Variants in FSTL4 observed in about 807,000 individuals in gnomAD.
FSTL4 encodes the protein follistatin-related protein 4.
Under a neutral mutation model 78.2 loss-of-function variants are expected in FSTL4, and 28 were observed. That is an observed-to-expected ratio of 0.36 (90% CI 0.27 to 0.49). The LOEUF (loss-of-function observed/expected upper bound fraction) is 0.49. FSTL4 is among the 20% of genes least tolerant of loss of function. The probability of loss-of-function intolerance (pLI) is 0.98; values close to 1 mark genes in which losing one functional copy is unlikely to be tolerated. For missense variants in FSTL4, 922 were observed against 1,084.9 expected, an observed-to-expected ratio of 0.85 and a Z score of 2.11; for synonymous variants, 422 against 440.5, an observed-to-expected ratio of 0.96 and a Z score of 0.53.
intron 3 of FSTL4, among the ~76,000 whole-genome samples, chr5:133,495,127 C>G (rs1324614088): frequency 6.6e-6 from 1 of 152,206 alleles, no homozygotes; most frequent in East Asian, 1.9e-4. Flanking sequence ...GAAGGATCCA[C>G]ACACATGCTA....
At chr5:133,693,850 G>A in the FSTL4 span, among the ~76,000 whole-genome samples, 1 of 152,146 alleles carries the variant, frequency 6.6e-6, no homozygotes, top group East Asian at 1.9e-4. Context: ...CCAAGGTAGT[G>A]GGGGGTTGCT....
At chr5:133,766,710 T>C in the FSTL4 span, among the ~76,000 whole-genome samples, 1 of 152,132 alleles carries the variant, frequency 6.6e-6, no homozygotes, top group Non-Finnish European at 1.5e-5. Flanking sequence ...CAGCATTTGT[T>C]GAAGATCCAA....
chr5:133,659,850 C>T, the FSTL4 span, among the ~76,000 whole-genome samples: 8 of 151,782 alleles, frequency 5.3e-5, no homozygotes, highest in African/African-American at 1.9e-4. Context: ...AATATTTTTC[C>T]TCTAGAAAAA....
At chr5:133,420,743 C>A (rs947199667) in intron 3 of FSTL4, among the ~76,000 whole-genome samples, 1 of 152,244 alleles carries the variant, frequency 6.6e-6, no homozygotes, top group Non-Finnish European at 1.5e-5. Context: ...GCCCTCTGTT[C>A]ATGGCTGCAG....
intron 7 of FSTL4, among the ~76,000 whole-genome samples, chr5:133,245,119 C>T (rs1397508628): frequency 2.5e-4 from 30 of 121,724 alleles, no homozygotes; most frequent in African/African-American, 1.3e-3. Context: ...GACCCTACTG[C>T]CTAAAAAAAA....
intron 3 of FSTL4, among the ~76,000 whole-genome samples, chr5:133,517,447 A>AAAAAATATAT (rs1554068019): frequency 6.1e-5 from 1 of 16,416 alleles, no homozygotes; most frequent in African/African-American, 2.8e-4. Flanking sequence ...AAAAAAAAAA[A>AAAAAATATAT]ATATATATAT....
At chr5:133,564,261 C>A (rs1759980140) in intron 3 of FSTL4, among the ~76,000 whole-genome samples, 2 of 152,272 alleles carry the variant, frequency 1.3e-5, no homozygotes, top group South Asian at 4.1e-4. Flanking sequence ...GTTCCATTCA[C>A]AGGTTCTGGT....
the FSTL4 span, among the ~76,000 whole-genome samples, chr5:133,719,096 A>G: frequency 6.6e-6 from 1 of 152,184 alleles, no homozygotes; most frequent in African/African-American, 2.4e-5. Context: ...CTGTTTTTGA[A>G]TATCTCTTAT....
At chr5:133,493,663 G>T (rs1758314719) in intron 3 of FSTL4, among the ~76,000 whole-genome samples, 1 of 152,166 alleles carries the variant, frequency 6.6e-6, no homozygotes, top group Non-Finnish European at 1.5e-5. Flanking sequence ...GTCTGACGCT[G>T]CCCCCTCAAA....
At chr5:133,261,700 A>T (rs1752526435) in intron 6 of FSTL4, among the ~76,000 whole-genome samples, 2 of 152,142 alleles carry the variant, frequency 1.3e-5, no homozygotes, top group South Asian at 4.1e-4. Context: ...TACTAAAAAT[A>T]CAAAAATTAG....
chr5:133,533,772 G>A (rs1349742828), intron 3 of FSTL4, among the ~76,000 whole-genome samples: 1 of 152,160 alleles, frequency 6.6e-6, no homozygotes, highest in Non-Finnish European at 1.5e-5. Flanking sequence ...GATGGACTGT[G>A]AGCCTCAATA....
chr5:133,305,948 C>G (rs979780512), intron 6 of FSTL4, among the ~76,000 whole-genome samples: 8 of 152,184 alleles, frequency 5.3e-5, no homozygotes, highest in Non-Finnish European at 1.5e-5. Flanking sequence ...TTTCAGAGAG[C>G]CTCAGCCTAC....
At chr5:133,822,191 G>T in the FSTL4 span, among the ~76,000 whole-genome samples, 1 of 152,176 alleles carries the variant, frequency 6.6e-6, no homozygotes, top group African/African-American at 2.4e-5. Flanking sequence ...TGTATCCAAA[G>T]TGCACATCTT....
intron 8 of FSTL4, among the ~76,000 whole-genome samples, chr5:133,233,065 C>G (rs1751541783): frequency 6.6e-6 from 1 of 152,260 alleles, no homozygotes; most frequent in African/African-American, 2.4e-5. Flanking sequence ...TCTGCTCGCA[C>G]TAGACCCAGA....
chr5:133,517,447 A>AAT (rs1554068021), intron 3 of FSTL4, among the ~76,000 whole-genome samples: 1,931 of 16,226 alleles, frequency 0.12, 225 homozygotes, highest in East Asian at 0.42. Flanking sequence ...AAAAAAAAAA[A>AAT]ATATATATAT....
At chr5:133,463,707 C>A (rs796691937) in intron 3 of FSTL4, among the ~76,000 whole-genome samples, 2 of 152,202 alleles carry the variant, frequency 1.3e-5, no homozygotes, top group South Asian at 4.1e-4. Context: ...AGTACAATAT[C>A]CTGTGTCAAG....
the FSTL4 span, among the ~76,000 whole-genome samples, chr5:133,701,509 A>AC: frequency 4.4e-4 from 58 of 132,690 alleles, no homozygotes; most frequent in African/African-American, 1.4e-3. Flanking sequence ...ACACACACAC[A>AC]CCCCACAGGC....
chr5:133,676,989 T>C, the FSTL4 span, among the ~76,000 whole-genome samples: 2 of 152,228 alleles, frequency 1.3e-5, no homozygotes, highest in Non-Finnish European at 2.9e-5. Flanking sequence ...ATAAGAAATT[T>C]TATGAACTCT....
chr5:133,322,311 C>A (rs1259210327), intron 4 of FSTL4, among the ~76,000 whole-genome samples: 1 of 85,304 alleles, frequency 1.2e-5, no homozygotes, highest in African/African-American at 5.3e-5. Flanking sequence ...ACACCCACAC[C>A]CACACACCCA....
Sources: gnomAD v4.1 joint callset for allele counts (sites outside exome capture counted in the v4.1 genomes callset) on GRCh38, gnomAD v4.1.1 for gene constraint, MANE v1.5 for transcripts, NCBI Gene and HGNC (gene_info 2026-07-23, HGNC 2026-07-21) for gene names.